The following DTHD1 variants were observed in gnomAD, a reference collection of about 807,000 sequenced individuals.
DTHD1 encodes death domain containing 1.
In DTHD1, 59 loss-of-function variants were observed where a neutral mutation model predicts 74.8. That is an observed-to-expected ratio of 0.79 (90% CI 0.64 to 0.98). DTHD1 has a LOEUF of 0.98. DTHD1 is among the 50% of genes least tolerant of loss of function. The pLI, the probability that DTHD1 is intolerant of heterozygous loss-of-function variation, is 0.00. For missense variants in DTHD1, 1,051 were observed against 1,065.4 expected (o/e 0.99, Z 0.19); for synonymous variants, 365 against 371.1 (o/e 0.98, Z 0.19).
intron 8 of DTHD1, among the ~76,000 whole-genome samples, chr4:36,329,762 G>A (rs898778281): frequency 1.3e-5 from 2 of 152,146 alleles, no homozygotes; most frequent in African/African-American, 4.8e-5. Flanking sequence ...TCTAATCTGA[G>A]TAGAACTCAG....
At position 36,346,170 on chromosome 4, in the gene DTHD1, T is replaced by C. The variant is rs975688890; in HGVS notation, c.*2346T>C. On this transcript the variant is annotated 3_prime_UTR_variant, in exon 10 of 10. Coordinates refer to ENST00000639862, the MANE Select transcript of DTHD1 (RefSeq NM_001170700.3). ...CACTTGTACACTCTCACAAATGTCC[T>C]CGTTCACATATACCCCACCTCCACA... Among the ~76,000 whole-genome samples the C allele has an allele frequency of 5.9e-5, 9 of 151,978 alleles. No individual in the cohort carries two copies. The highest frequency in any genetic ancestry group is 1.9e-4 in the African/African-American group (8 of 41,464).
At chr4:36,322,207 G>C (rs1436465005) in intron 8 of DTHD1, among the ~76,000 whole-genome samples, 1 of 151,904 alleles carries the variant, frequency 6.6e-6, no homozygotes, top group Non-Finnish European at 1.5e-5. Context: ...TCCATAACTA[G>C]AAAGTAAGCT....
chr4:36,304,865 ATCTT>A (rs1756955161), intron 5 of DTHD1, among the ~76,000 whole-genome samples: 1 of 152,118 alleles, frequency 6.6e-6, no homozygotes, highest in African/African-American at 2.4e-5. Flanking sequence ...TTTCTGAATA[ATCTT>A]TCTGCTTATT....
chr4:36,309,514 TTTAA>T (rs770537321), intron 7 of DTHD1, among the ~76,000 whole-genome samples: 8 of 152,240 alleles, frequency 5.3e-5, no homozygotes, highest in Admixed American at 1.3e-4. Flanking sequence ...TTTGAAATTA[TTTAA>T]TTAATTTATT....
At chr4:36,292,487 C>G (rs1398236619) in intron 3 of DTHD1, among the ~76,000 whole-genome samples, 3 of 152,012 alleles carry the variant, frequency 2.0e-5, no homozygotes, top group African/African-American at 7.3e-5. Flanking sequence ...ATTTAAAAAC[C>G]CTTTTGGCCT....
chr4:36,283,427 G>T (rs1324497359), intron 1 of DTHD1, among the ~76,000 whole-genome samples: 1 of 152,154 alleles, frequency 6.6e-6, no homozygotes, highest in Non-Finnish European at 1.5e-5. Context: ...TCATCAGGAG[G>T]AATAGTATAA....
chr4:36,337,578 A>G (rs1187437146), intron 8 of DTHD1, among the ~76,000 whole-genome samples: 2 of 152,246 alleles, frequency 1.3e-5, no homozygotes, highest in Admixed American at 6.5e-5. Context: ...GTTCAAACAC[A>G]TAGTTGATGC....
In DTHD1 at chr4:36,300,731, T is replaced by C. The variant is rs138321118; in HGVS notation, c.1644-5460T>C. On this transcript the variant is annotated intron_variant, in intron 5 of 9. Transcript: ENST00000639862. ...AAGAAGGAAATGATAATTTTATAGA[T>C]AATGAAATCACACATACTACATTTT... is the stretch of plus-strand genomic sequence containing the variant. Among the ~76,000 whole-genome samples the C allele has an allele frequency of 1.6e-3, 236 of 152,246 alleles. 1 individual carries two copies. Among genetic ancestry groups the C allele is most frequent in the African/African-American group, 5.6e-3 (231 of 41,554 alleles).
At chr4:36,339,658 G>A (rs1228936607) in intron 9 of DTHD1, among the ~76,000 whole-genome samples, 1 of 152,114 alleles carries the variant, frequency 6.6e-6, no homozygotes, top group Non-Finnish European at 1.5e-5. Flanking sequence ...GGGTAGAATT[G>A]GAAACTTTTA....
intron 8 of DTHD1, among the ~76,000 whole-genome samples, chr4:36,336,262 A>G (rs1759004490): frequency 6.6e-6 from 1 of 152,246 alleles, no homozygotes; most frequent in African/African-American, 2.4e-5. Flanking sequence ...AAATTAAAAT[A>G]TGCAACATTA....
Position 36,307,424 on chromosome 4 carries a change from C to T in DTHD1, c.1806-780C>T, listed in dbSNP as rs77940754. Among the ~76,000 whole-genome samples, 1,485 of 152,248 alleles carry T rather than the reference C, an allele frequency of 9.8e-3. 8 individuals are homozygous for T. The highest frequency in any genetic ancestry group is 0.016 in the Admixed American group (244 of 15,300). ...TATGCATTTCTATGTGTTAAAATTTCCCTCTTTTATGACATCAGTCATACT... is the reference window on the plus strand; with the variant it reads ...TATGCATTTCTATGTGTTAAAATTTTCCTCTTTTATGACATCAGTCATACT... On this transcript the variant is annotated intron_variant, in intron 6 of 9. Transcript: ENST00000639862.
Position 36,294,803 on chromosome 4 carries a change from A to T in DTHD1, c.1407A>T (p.Pro469=), listed in dbSNP as rs1756289763. Residue 469 remains proline, a synonymous_variant, in exon 5 of 10, where the codon CCA becomes CCT. Coordinates refer to ENST00000639862, the MANE Select transcript of DTHD1 (RefSeq NM_001170700.3). ...ATATATTTTTTGTTTAGATCCAACCAGTTGACCCAGCTCTGGTGGCACATT... is the reference window on the plus strand; with the variant it reads ...ATATATTTTTTGTTTAGATCCAACCTGTTGACCCAGCTCTGGTGGCACATT... ...SPVLVQLKIQ[P]VDPALVAHLK... 6.5e-7 allele frequency: 1 copy of T among 1,543,180 alleles called. No individual in the cohort carries two copies. The highest frequency in any genetic ancestry group is 1.2e-5 in the South Asian group (1 of 82,150).
At chr4:36,294,745 G>A (rs1578442305) in intron 4 of DTHD1, 50 bp from the exon 5 acceptor site, 4 of 1,462,142 alleles carry the variant, frequency 2.7e-6, no homozygotes, top group Non-Finnish European at 2.7e-6. Flanking sequence ...TGTACCAATA[G>A]TTTGCATCTT....
intron 8 of DTHD1, among the ~76,000 whole-genome samples, chr4:36,320,501 T>C (rs931220529): frequency 6.6e-6 from 1 of 152,226 alleles, no homozygotes; most frequent in Non-Finnish European, 1.5e-5. Context: ...CTGCTGTCTT[T>C]CATAGATGAA....
chr4:36,316,036 C>A (rs1252485419), intron 7 of DTHD1, among the ~76,000 whole-genome samples: 2 of 152,122 alleles, frequency 1.3e-5, no homozygotes, highest in Non-Finnish European at 2.9e-5. Flanking sequence ...CCTGGGTTCA[C>A]GCCATTCTCC....
At position 36,293,635 on chromosome 4, in the gene DTHD1, G is replaced by A; in HGVS notation, c.1328G>A (p.Ser443Asn). Residue 443 changes from serine (S) to asparagine (N), a missense_variant, in exon 4 of 10, where the codon AGC becomes AAC. Coordinates refer to ENST00000639862, the MANE Select transcript of DTHD1 (RefSeq NM_001170700.3). Reference sequence around the variant, plus strand: ...AAGAAAGGCCTCGCTCTTAAGTCAAGCATGGATTCCCGAATATCCTTAAAT... The same window carrying A: ...AAGAAAGGCCTCGCTCTTAAGTCAAACATGGATTCCCGAATATCCTTAAAT... ...VTKKGLALKS[S>N]MDSRISLNYP... The A allele has an allele frequency of 1.9e-6, 3 of 1,549,026 alleles. No individual in the cohort carries two copies. Among genetic ancestry groups the A allele is most frequent in the Non-Finnish European group, 2.6e-6 (3 of 1,145,202 alleles).
Position 36,330,827 on chromosome 4 carries a change from C to T in DTHD1, c.2341-8285C>T, listed in dbSNP as rs559854241. Among the ~76,000 whole-genome samples the T allele has an allele frequency of 5.9e-5, 9 of 152,198 alleles. No individual in the cohort carries two copies. The East Asian group carries it at 9.6e-4, about 16-fold the overall frequency. On this transcript the variant is annotated intron_variant, in intron 8 of 9. Coordinates refer to ENST00000639862, the MANE Select transcript of DTHD1 (RefSeq NM_001170700.3). ...TTATGTTGAACACAAAACTACAGCA[C>T]GAAGCTTTTATAGTAGCATTAATTT... is the stretch of plus-strand genomic sequence containing the variant.
chr4:36,334,433 A>G (rs1560818962), intron 8 of DTHD1, among the ~76,000 whole-genome samples: 1 of 147,838 alleles, frequency 6.8e-6, no homozygotes, highest in Admixed American at 6.9e-5. Flanking sequence ...ATCTCAGCTC[A>G]CTGCAACCTT....
At chr4:36,285,830 C>T (rs1755670545) in intron 2 of DTHD1, among the ~76,000 whole-genome samples, 1 of 152,222 alleles carries the variant, frequency 6.6e-6, no homozygotes, top group African/African-American at 2.4e-5. Flanking sequence ...CTTAAACGAC[C>T]TAACACCAGG....
Sources: allele counts gnomAD v4.1 joint callset (sites outside exome capture counted in the v4.1 genomes callset), GRCh38; gene constraint gnomAD v4.1.1; transcripts MANE v1.5; gene names NCBI Gene and HGNC (gene_info 2026-07-23, HGNC 2026-07-21).